Variants in FMNL2 observed in about 807,000 individuals in gnomAD.
FMNL2 encodes formin like 2.
In FMNL2, 51 loss-of-function variants were observed where a neutral mutation model predicts 130.2. The ratio of observed to expected loss-of-function variants is 0.39; its 90% CI spans 0.31 to 0.49. The LOEUF is 0.49. Ranked by LOEUF, FMNL2 falls within the 20% of genes least tolerant of loss-of-function variation. The pLI is 0.85. For synonymous variants in FMNL2, 465 were observed against 467.1 expected, an observed-to-expected ratio of 1.00 and a Z score of 0.06; for missense variants, 977 against 1,316.2, an observed-to-expected ratio of 0.74 and a Z score of 3.99.
chr2:152,495,063 C>T (rs374818391), intron 1 of FMNL2, among the ~76,000 whole-genome samples: 134 of 152,244 alleles, frequency 8.8e-4, no homozygotes, highest in African/African-American at 3.0e-3. Flanking sequence ...CACCTGGAAA[C>T]GCAGCGTTGG....
At chr2:152,549,265 T>A (rs1188601599) in intron 4 of FMNL2, among the ~76,000 whole-genome samples, 168 bp downstream of exon 4, 1 of 152,180 alleles carries the variant, frequency 6.6e-6, no homozygotes, top group East Asian at 1.9e-4. Context: ...TGCCCAAGAA[T>A]CAGCAGAAGC....
intron 1 of FMNL2, among the ~76,000 whole-genome samples, chr2:152,399,750 G>T (rs766149666): frequency 6.6e-6 from 1 of 152,146 alleles, no homozygotes; most frequent in Non-Finnish European, 1.5e-5. Flanking sequence ...CAATCGATTC[G>T]ATTGAGAGGC....
At chr2:152,641,919 A>G (rs1683114417) in intron 25 of FMNL2, among the ~76,000 whole-genome samples, 1 of 151,106 alleles carries the variant, frequency 6.6e-6, no homozygotes, top group Non-Finnish European at 1.5e-5. Flanking sequence ...TTTTAAAAAT[A>G]GAATTCCTAG....
chr2:152,462,553 C>T (rs376679453), intron 1 of FMNL2, among the ~76,000 whole-genome samples: 4 of 152,168 alleles, frequency 2.6e-5, no homozygotes, highest in African/African-American at 9.7e-5. Flanking sequence ...TATAAATTCT[C>T]CACAAATCTA....
intron 1 of FMNL2, among the ~76,000 whole-genome samples, chr2:152,402,698 A>G (rs1297015675): frequency 1.3e-5 from 2 of 152,136 alleles, no homozygotes; most frequent in Admixed American, 1.3e-4. Flanking sequence ...TTGTTGTAGT[A>G]TAGTTTCAGA....
intron 2 of FMNL2, among the ~76,000 whole-genome samples, chr2:152,533,852 G>GA (rs1304117102): frequency 6.6e-6 from 1 of 152,022 alleles, no homozygotes; most frequent in African/African-American, 2.4e-5. Flanking sequence ...TAAATGTCAT[G>GA]ATTTTGGGTG....
At chr2:152,523,016 G>A (rs1693179999) in intron 2 of FMNL2, among the ~76,000 whole-genome samples, 1 of 152,034 alleles carries the variant, frequency 6.6e-6, no homozygotes, top group Non-Finnish European at 1.5e-5. Flanking sequence ...CCAATGCCGT[G>A]TGCACGCAAA....
chr2:152,509,642 T>C (rs922854872), intron 1 of FMNL2, among the ~76,000 whole-genome samples: 19 of 151,312 alleles, frequency 1.3e-4, no homozygotes, highest in African/African-American at 4.6e-4. Flanking sequence ...TGGGTTGAGA[T>C]GTAAGTTTGA....
chr2:152,589,764 T>A (rs1174517326), intron 9 of FMNL2, among the ~76,000 whole-genome samples: 1 of 151,746 alleles, frequency 6.6e-6, no homozygotes, highest in African/African-American at 2.4e-5. Context: ...TTCTGGCATT[T>A]ATTTCGTGAA....
At chr2:152,406,300 T>C (rs1685974516) in intron 1 of FMNL2, among the ~76,000 whole-genome samples, 1 of 152,190 alleles carries the variant, frequency 6.6e-6, no homozygotes, top group African/African-American at 2.4e-5. Flanking sequence ...CTGTGTTCAG[T>C]AGCATTTTGA....
chr2:152,633,492 G>A (rs1018109532), intron 21 of FMNL2, among the ~76,000 whole-genome samples: 7 of 152,190 alleles, frequency 4.6e-5, no homozygotes, highest in African/African-American at 1.7e-4. Context: ...GAATGAACAA[G>A]TGAACAAATG....
chr2:152,596,106 G>A (rs956355555), intron 9 of FMNL2, among the ~76,000 whole-genome samples: 2 of 150,662 alleles, frequency 1.3e-5, no homozygotes, highest in African/African-American at 4.9e-5. Context: ...GGGATTATAG[G>A]CATGTGCCAC....
At chr2:152,466,630 C>T (rs1689556445) in intron 1 of FMNL2, among the ~76,000 whole-genome samples, 1 of 152,188 alleles carries the variant, frequency 6.6e-6, no homozygotes, top group African/African-American at 2.4e-5. Context: ...AAAAGACCAT[C>T]CTATTAACAC....
At chr2:152,499,952 GTTTC>G (rs952813154) in intron 1 of FMNL2, among the ~76,000 whole-genome samples, 19 of 152,170 alleles carry the variant, frequency 1.2e-4, no homozygotes, top group African/African-American at 4.3e-4. Context: ...ATTCTTCTGA[GTTTC>G]TTTCTCTTTT....
chr2:152,647,963 C>A lies in FMNL2; in HGVS notation c.*58C>A. The A allele has an allele frequency of 7.4e-7, 1 of 1,347,420 alleles. No homozygotes were observed. The highest frequency in any genetic ancestry group is 1.0e-6 in the Non-Finnish European group (1 of 971,182). The allele number at this position is 1,347,420 out of a possible 1,614,324, so 83.5% of individuals were successfully genotyped here. ...GCGTGAATGAAACTGCCCACATGAA[C>A]TTTATGTGCTACGATTTAACTGCAG... On this transcript the variant is annotated 3_prime_UTR_variant, in exon 26 of 26. Transcript: ENST00000288670.
chr2:152,386,063 A>G (rs529133781), intron 1 of FMNL2, among the ~76,000 whole-genome samples: 2 of 152,356 alleles, frequency 1.3e-5, no homozygotes, highest in South Asian at 4.1e-4. Flanking sequence ...AGCTTTAAAC[A>G]TAAGAGTATC....
chr2:152,546,195 C>T (rs1163481336), intron 3 of FMNL2, among the ~76,000 whole-genome samples: 1 of 152,074 alleles, frequency 6.6e-6, no homozygotes, highest in Non-Finnish European at 1.5e-5. Context: ...GGTGTTAGTT[C>T]CTTTGTGTTG....
chr2:152,457,207 AAATT>A (rs1356457164), intron 1 of FMNL2, among the ~76,000 whole-genome samples: 2 of 152,122 alleles, frequency 1.3e-5, no homozygotes, highest in Non-Finnish European at 2.9e-5. Flanking sequence ...AAAAGTTGAG[AAATT>A]AAGATTTGTT....
chr2:152,508,800 C>T (rs1489733783), intron 1 of FMNL2, among the ~76,000 whole-genome samples: 4 of 152,296 alleles, frequency 2.6e-5, no homozygotes, highest in East Asian at 1.9e-4. Context: ...CCAGCTGAGA[C>T]GCACAGAGGG....
Sources: allele counts gnomAD v4.1 joint callset (sites outside exome capture counted in the v4.1 genomes callset), GRCh38; gene constraint gnomAD v4.1.1; transcripts MANE v1.5; gene names NCBI Gene and HGNC (gene_info 2026-07-23, HGNC 2026-07-21).